The following ERBB4 variants were observed in gnomAD, a reference collection of about 807,000 sequenced individuals.
ERBB4 encodes receptor tyrosine-protein kinase erbB-4.
In ERBB4, 42 loss-of-function variants were observed where a neutral mutation model predicts 158.0. That is an observed-to-expected ratio of 0.27 (90% CI 0.21 to 0.34). ERBB4 has a LOEUF of 0.34. Among genes scored for constraint, ERBB4 ranks in the 10% least tolerant of loss-of-function variants. ERBB4 has a pLI of 1.00. For synonymous variants in ERBB4, 583 were observed against 558.7 expected (o/e 1.04, Z -0.61); for missense variants, 1,333 against 1,624.1 (o/e 0.82, Z 3.08).
At chr2:212,231,290 A>G (rs1419853006) in intron 1 of ERBB4, among the ~76,000 whole-genome samples, 1 of 152,138 alleles carries the variant, frequency 6.6e-6, no homozygotes, top group Non-Finnish European at 1.5e-5. Flanking sequence ...GGTGTCCGAA[A>G]GGAAAAAAAA....
chr2:212,177,777 G>C (rs1280172653), intron 1 of ERBB4, among the ~76,000 whole-genome samples: 1 of 151,894 alleles, frequency 6.6e-6, no homozygotes, highest in East Asian at 1.9e-4. Flanking sequence ...ATCCATATTA[G>C]TTACACTAAT....
At chr2:212,533,857 T>C (rs544608238) in intron 1 of ERBB4, among the ~76,000 whole-genome samples, 11 of 152,316 alleles carry the variant, frequency 7.2e-5, no homozygotes, top group South Asian at 2.1e-4. Context: ...CTGTAAAAGA[T>C]AACAGTGGAA....
At position 212,448,754 on chromosome 2, in the gene ERBB4, A is replaced by C. The variant is rs557948227; in HGVS notation, c.82+89695T>G. Among the ~76,000 whole-genome samples, 6 of 152,112 alleles carry C rather than the reference A, an allele frequency of 3.9e-5. 1 individual carries two copies. Among genetic ancestry groups the C allele is most frequent in the South Asian group, 2.1e-4 (1 of 4,832 alleles). On this transcript the variant is annotated intron_variant, in intron 1 of 27. Transcript: ENST00000342788. ...TATTTGAAAGCAGTTACTAAAAAAA[A>C]CTTACATGATACTAGTATATTTTCC... is the stretch of plus-strand genomic sequence containing the variant.
intron 2 of ERBB4, among the ~76,000 whole-genome samples, chr2:212,069,738 T>C (rs150933192): frequency 6.6e-6 from 1 of 151,936 alleles, no homozygotes; most frequent in Non-Finnish European, 1.5e-5. Context: ...TAAGACAATA[T>C]AACAAATAAA....
At chr2:211,663,948 G>T (rs1405300030) in intron 15 of ERBB4, among the ~76,000 whole-genome samples, 1 of 152,040 alleles carries the variant, frequency 6.6e-6, no homozygotes, top group African/African-American at 2.4e-5. Flanking sequence ...CTCACAAGGG[G>T]AGCAGTTTAT....
chr2:211,502,359 T>C (rs1471996382), intron 20 of ERBB4, among the ~76,000 whole-genome samples: 3 of 152,148 alleles, frequency 2.0e-5, no homozygotes, highest in Non-Finnish European at 4.4e-5. Flanking sequence ...AAAGCTAATA[T>C]ATTGAGTGGA....
rs368296803 is a variant in ERBB4 at position 212,420,900 on chromosome 2, C to T, written c.82+117549G>A. On this transcript the variant is annotated intron_variant, in intron 1 of 27. Transcript: ENST00000342788. ...CAATAAATGTTTACTGAAAGAATGG[C>T]TAGATGAAAGCAATAATTGTATTGA... is the stretch of plus-strand genomic sequence containing the variant. Among the ~76,000 whole-genome samples, 80 of 152,240 alleles carry T rather than the reference C, an allele frequency of 5.3e-4. 2 individuals carry two copies. In the South Asian group the frequency reaches 0.015, roughly 28 times the overall value.
intron 23 of ERBB4, 24 bp downstream of exon 23, chr2:211,424,131 G>A (rs1208521574): frequency 2.5e-6 from 4 of 1,603,868 alleles, no homozygotes. Context: ...TGATGATGGT[G>A]ATAACATTAT....
At chr2:212,485,267 C>CT (rs1177962469) in intron 1 of ERBB4, among the ~76,000 whole-genome samples, 1 of 152,134 alleles carries the variant, frequency 6.6e-6, no homozygotes, top group African/African-American at 2.4e-5. Flanking sequence ...CTCTGACCAT[C>CT]TTTATTTCCA....
At chr2:212,389,854 G>A (rs935111628) in intron 1 of ERBB4, among the ~76,000 whole-genome samples, 1 of 151,610 alleles carries the variant, frequency 6.6e-6, no homozygotes, top group Non-Finnish European at 1.5e-5. Flanking sequence ...CATAAGACAG[G>A]TGAAATTCAG....
At chr2:212,204,031 A>C (rs2082663555) in intron 1 of ERBB4, among the ~76,000 whole-genome samples, 1 of 152,248 alleles carries the variant, frequency 6.6e-6, no homozygotes, top group Non-Finnish European at 1.5e-5. Flanking sequence ...TTCTAAAATT[A>C]TAAAGATTAT....
chr2:211,865,852 C>G (rs1474626615), intron 3 of ERBB4, among the ~76,000 whole-genome samples: 1 of 152,150 alleles, frequency 6.6e-6, no homozygotes, highest in Non-Finnish European at 1.5e-5. Context: ...CAGTACCATT[C>G]ATATTATACT....
intron 1 of ERBB4, among the ~76,000 whole-genome samples, chr2:212,458,617 G>T (rs1167052001): frequency 6.6e-6 from 1 of 151,638 alleles, no homozygotes; most frequent in Admixed American, 6.6e-5. Context: ...ACACAATCAG[G>T]TCTCTACTGA....
chr2:211,944,663 A>G (rs2080627256), intron 3 of ERBB4, among the ~76,000 whole-genome samples: 2 of 152,166 alleles, frequency 1.3e-5, no homozygotes, highest in South Asian at 4.1e-4. Flanking sequence ...TCAACTGGAT[A>G]TTGTGCTACC....
chr2:211,598,697 T>TA (rs1559336182), intron 19 of ERBB4, among the ~76,000 whole-genome samples: 2 of 152,230 alleles, frequency 1.3e-5, no homozygotes, highest in African/African-American at 4.8e-5. Context: ...TTCTTTTGTA[T>TA]AGACTTTATA....
chr2:212,135,154 A>G (rs555409266), intron 1 of ERBB4, among the ~76,000 whole-genome samples: 1 of 152,284 alleles, frequency 6.6e-6, no homozygotes, highest in East Asian at 1.9e-4. Flanking sequence ...TCTATCTAAA[A>G]TTGAATTGAT....
rs542626791 is a variant in ERBB4 at position 211,793,348 on chromosome 2, T to C, written c.422-5189A>G. ...GATTGTATATCTAAGTATTTTGTTTTGCAGGGGTGCATCTACAGGTCAACC... is the reference window on the plus strand; with the variant it reads ...GATTGTATATCTAAGTATTTTGTTTCGCAGGGGTGCATCTACAGGTCAACC... On this transcript the variant is annotated intron_variant, in intron 3 of 27. Transcript: ENST00000342788. Among the ~76,000 whole-genome samples, 16 of 152,022 alleles carry C rather than the reference T, an allele frequency of 1.1e-4. 1 individual carries two copies. In the South Asian group the frequency reaches 3.3e-3, roughly 31 times the overall value.
intron 1 of ERBB4, among the ~76,000 whole-genome samples, chr2:212,288,756 T>G (rs1463246475): frequency 6.6e-6 from 1 of 152,112 alleles, no homozygotes; most frequent in African/African-American, 2.4e-5. Context: ...AACACCACTA[T>G]AACCCTTTAT....
chr2:211,581,353 A>G (rs1428665419), intron 19 of ERBB4, among the ~76,000 whole-genome samples: 1 of 152,172 alleles, frequency 6.6e-6, no homozygotes, highest in Non-Finnish European at 1.5e-5. Context: ...AAGTAAAGTA[A>G]TAAGTGTAAA....
Sources: gnomAD v4.1 joint callset for allele counts (sites outside exome capture counted in the v4.1 genomes callset) on GRCh38, gnomAD v4.1.1 for gene constraint, MANE v1.5 for transcripts, NCBI Gene and HGNC (gene_info 2026-07-23, HGNC 2026-07-21) for gene names.